The following PRKCSH variants were observed in gnomAD, a reference collection of about 807,000 sequenced individuals.
PRKCSH encodes PRKCSH beta subunit of glucosidase II, also known as glucosidase 2 subunit beta.
Under a neutral mutation model 79.7 loss-of-function variants are expected in PRKCSH, and 42 were observed. That is an observed-to-expected ratio of 0.53 (90% CI 0.41 to 0.68). PRKCSH has a LOEUF of 0.68. Among genes scored for constraint, PRKCSH ranks in the 30% least tolerant of loss-of-function variants. PRKCSH has a pLI of 0.00. For synonymous variants in PRKCSH, 325 were observed against 288.2 expected (o/e 1.13, Z -1.29); for missense variants, 686 against 709.0 (o/e 0.97, Z 0.37).
rs1970579317 is a variant in PRKCSH, at chr19:11,450,742, C to A, written c.*113C>A. The A allele has an allele frequency of 6.6e-6, 1 of 152,340 alleles. No homozygotes were observed. Among genetic ancestry groups the A allele is most frequent in the Non-Finnish European group, 1.5e-5 (1 of 68,142 alleles). 9.4% of individuals were successfully genotyped at this position (152,340 alleles called of 1,614,324 possible). A position where few individuals can be genotyped will look rare whatever the true frequency, so the allele number is the denominator to read the frequency against. ...GTTGCCCTCCTCTGTGGCGGCAGGACCTTTGTGGGGCTTCGTGCCCTGCTC... is the reference window on the plus strand; with the variant it reads ...GTTGCCCTCCTCTGTGGCGGCAGGAACTTTGTGGGGCTTCGTGCCCTGCTC... On this transcript the variant is annotated 3_prime_UTR_variant, in exon 18 of 18. Coordinates refer to ENST00000677123, the MANE Select transcript of PRKCSH (RefSeq NM_001289104.2).
chr19:11,445,699 C>T (rs1489931810), intron 8 of PRKCSH: 9 of 609,884 alleles, frequency 1.5e-5, no homozygotes, highest in Non-Finnish European at 2.7e-5. Context: ...GAGCTGGGCA[C>T]AGACCCTCAG....
Position 11,438,054 on chromosome 19 carries a change from G to T in PRKCSH, c.293-13G>T. The T allele has an allele frequency of 1.2e-6, 2 of 1,614,124 alleles. No individual in the cohort carries two copies. The highest frequency in any genetic ancestry group is 1.3e-5 in the African/African-American group (1 of 75,046). On this transcript the variant is annotated splice_polypyrimidine_tract_variant and intron_variant, in intron 4 of 17. Coordinates refer to ENST00000677123, the MANE Select transcript of PRKCSH (RefSeq NM_001289104.2). Reference sequence around the variant, plus strand: ...ACTGCCAGGTCTGATCTTGGCTTCTGCCTCTGCCACAGACTGCTGCGATGG... The same window carrying T: ...ACTGCCAGGTCTGATCTTGGCTTCTTCCTCTGCCACAGACTGCTGCGATGG...
chr19:11,440,572 T>A (rs1305725824), intron 5 of PRKCSH, among the ~76,000 whole-genome samples: 2 of 151,910 alleles, frequency 1.3e-5, no homozygotes, highest in African/African-American at 4.8e-5. Context: ...CAGCCTCCCG[T>A]GTAGCTGGGA....
rs1425794706 is a variant in PRKCSH at position 11,437,953 on chromosome 19, G to A, written c.274G>A (p.Val92Ile). 4 of 1,614,008 alleles carry A rather than the reference G, an allele frequency of 2.5e-6. No individual in the cohort carries two copies. Among genetic ancestry groups the A allele is most frequent in the Non-Finnish European group, 3.4e-6 (4 of 1,180,014 alleles). The change falls in exon 4 of 18, where the codon GTC (valine) becomes ATC (isoleucine). Residue 92 changes from valine to isoleucine, a missense_variant. By Grantham distance (29) the Val-to-Ile change is conservative (BLOSUM62 3). Around this residue, in one of 2 missense-constraint regions of PRKCSH, gnomAD observed 549 missense variants for 520.2 expected, o/e 1.06. Transcript: ENST00000677123. ...GCCCCTGTATATCCCCTCCAACCGG[G>A]TCAACGATGGTGTTTGTGGTAAGTG... ...YKPLYIPSNR[V>I]NDGVCDCCDG...
intron 8 of PRKCSH, 25 bp downstream of exon 8, chr19:11,445,498 C>G (rs758384766): frequency 1.2e-6 from 2 of 1,609,838 alleles, no homozygotes; most frequent in East Asian, 4.5e-5. Flanking sequence ...GTTGGAGCTG[C>G]CCACCTTTCC....
Position 11,447,906 on chromosome 19 carries a change from C to G in PRKCSH, c.1126+117C>G. 8.0e-7 allele frequency: 1 copy of G among 1,252,262 alleles called. No homozygotes were observed. 77.6% of individuals were successfully genotyped at this position (1,252,262 alleles called of 1,614,324 possible). A position where few individuals can be genotyped will look rare whatever the true frequency, so the allele number is the denominator to read the frequency against. ...TGCTCTGACTCGGCCAGCACAAGCC[C>G]CAGTATCTTGGGGAGTCCAGGAAGG... On this transcript the variant is annotated intron_variant, in intron 12 of 17. Transcript: ENST00000677123. The surrounding 1 kb of genome is among the most constrained non-coding windows in gnomAD (Gnocchi z 5.6).
In PRKCSH at chr19:11,447,584, A is replaced by AGGG. The variant is rs1393039014; in HGVS notation, c.997_998insGGG (p.Glu332_Glu333insGly). ...GAAGAGGCTGAAGAAGAGGAGGAGG[A>AGGG]GGAGGATTCCGAGGTGCAGGGGGAG... On this transcript the variant is annotated inframe_insertion, in exon 11 of 18. Coordinates refer to ENST00000677123, the MANE Select transcript of PRKCSH (RefSeq NM_001289104.2). This position sits in a 1 kb window ranked among gnomAD's most constrained non-coding sequence, Gnocchi z 5.6. 3 of 1,596,858 alleles carry AGGG rather than the reference A, an allele frequency of 1.9e-6. No individual in the cohort carries two copies. In the South Asian group the frequency reaches 3.4e-5, roughly 18 times the overall value.
Position 11,449,360 on chromosome 19 carries a change from G to T in PRKCSH, c.1556G>T (p.Cys519Phe). The change falls in exon 17 of 18, where the codon TGC becomes TTC. Residue 519 changes from cysteine to phenylalanine, a missense_variant. Cys to Phe is a radical substitution (Grantham distance 205). Coordinates refer to ENST00000677123, the MANE Select transcript of PRKCSH (RefSeq NM_001289104.2). This position sits in a 1 kb window ranked among gnomAD's most constrained non-coding sequence, Gnocchi z 6.4. The part of the protein sequence containing the change: ...YLMELMTPAA[C>F]PEPPPEAPTE... ...ATGGAGCTGATGACGCCAGCCGCCT[G>T]CCCGGAGCCACCGCCTGAAGCACCC... 1 of 1,613,430 alleles carries T rather than the reference G, an allele frequency of 6.2e-7. No homozygotes were observed. The highest frequency in any genetic ancestry group is 8.5e-7 in the Non-Finnish European group (1 of 1,179,968).
chr19:11,448,236 C>T lies in PRKCSH; in HGVS notation c.1141C>T (p.Arg381Cys). Residue 381 changes from arginine (R) to cysteine (C), a missense_variant, in exon 13 of 18, where the codon CGC becomes TGC. Physicochemically the swap from Arg to Cys is radical, Grantham distance 180. Transcript: ENST00000677123. This position sits in a 1 kb window ranked among gnomAD's most constrained non-coding sequence, Gnocchi z 4.4. ...QAFIDAAQEA[R>C]NKFEEAERSL... ...CCCTCTCCCAGCTGCCCAGGAGGCC[C>T]GCAACAAGTTCGAGGAGGCCGAGCG... 4 of 1,562,026 alleles carry T rather than the reference C, an allele frequency of 2.6e-6. No homozygotes were observed. Among genetic ancestry groups the T allele is most frequent in the Non-Finnish European group, 3.5e-6 (4 of 1,152,738 alleles).
Position 11,448,179 on chromosome 19 carries a change from G to A in PRKCSH, c.1127-43G>A, listed in dbSNP as rs1306861142. ...ATGGAACCCCGTTCCCCATCCTCCT[G>A]GATGGGGTTGAGGACATCTCTGACC... On this transcript the variant is annotated intron_variant, in intron 12 of 17. Transcript: ENST00000677123. This position sits in a 1 kb window ranked among gnomAD's most constrained non-coding sequence, Gnocchi z 4.4. The A allele has an allele frequency of 6.5e-7, 1 of 1,537,542 alleles. No homozygotes were observed. The highest frequency in any genetic ancestry group is 1.4e-5 in the African/African-American group (1 of 72,740).
chr19:11,446,442 T>C (rs1399062494), intron 9 of PRKCSH, 92 bp downstream of exon 9: 3 of 1,445,600 alleles, frequency 2.1e-6, no homozygotes, highest in Non-Finnish European at 2.9e-6. Context: ...GAAAGCTCCT[T>C]GCTGGCCTGG....
intron 17 of PRKCSH, among the ~76,000 whole-genome samples, chr19:11,450,164 A>G (rs965460361): frequency 3.3e-5 from 5 of 151,228 alleles, no homozygotes; most frequent in Admixed American, 3.3e-4. Flanking sequence ...TTTTAAAAAA[A>G]GATTTTTTTA....
intron 3 of PRKCSH, among the ~76,000 whole-genome samples, chr19:11,437,439 C>T (rs1969823911): frequency 1.3e-5 from 2 of 151,998 alleles, no homozygotes; most frequent in South Asian, 2.1e-4. Flanking sequence ...GCAGTCTCCA[C>T]CTCCCGGGTT....
intron 2 of PRKCSH, 77 bp downstream of exon 2, chr19:11,436,273 C>T (rs1172511925): frequency 8.2e-6 from 13 of 1,590,620 alleles, no homozygotes. Flanking sequence ...TAGGCATTTA[C>T]AGCCTTTTGA....
At chr19:11,439,226 T>G (rs1309178684) in intron 5 of PRKCSH, among the ~76,000 whole-genome samples, 1 of 152,100 alleles carries the variant, frequency 6.6e-6, no homozygotes, top group African/African-American at 2.4e-5. Context: ...GTGTGAGAGA[T>G]ACGCCTCCCT....
intron 9 of PRKCSH, 112 bp from the exon 10 acceptor site, chr19:11,446,962 A>C: frequency 5.1e-6 from 6 of 1,168,224 alleles, no homozygotes; most frequent in Non-Finnish European, 7.7e-6. Context: ...CCTGGTCATC[A>C]GGGCCCGGGG....
chr19:11,447,301 G>A lies in PRKCSH; in HGVS notation c.850-138G>A, dbSNP rs531371179. Reference sequence around the variant, plus strand: ...CCAGCACCCCCCACCGAGACCCCCCGACCCCAGCTGTCGGTCCTCCCTGCA... The same window carrying A: ...CCAGCACCCCCCACCGAGACCCCCCAACCCCAGCTGTCGGTCCTCCCTGCA... On this transcript the variant is annotated intron_variant, in intron 10 of 17. Coordinates refer to ENST00000677123, the MANE Select transcript of PRKCSH (RefSeq NM_001289104.2). This position sits in a 1 kb window ranked among gnomAD's most constrained non-coding sequence, Gnocchi z 5.6. The A allele has an allele frequency of 1.3e-5, 16 of 1,217,140 alleles. No individual in the cohort carries two copies. Among genetic ancestry groups the A allele is most frequent in the South Asian group, 2.6e-5 (2 of 78,354 alleles). The allele number at this position is 1,217,140 out of a possible 1,614,324, so 75.4% of individuals were successfully genotyped here.
At chr19:11,441,538 C>CCT (rs1276897853) in intron 6 of PRKCSH, among the ~76,000 whole-genome samples, 181 bp downstream of exon 6, 6 of 152,112 alleles carry the variant, frequency 3.9e-5, no homozygotes, top group Non-Finnish European at 7.4e-5. Context: ...TATAATAGTT[C>CCT]CCGAGGGGGA....
Position 11,449,175 on chromosome 19 carries a change from CGT to C in PRKCSH, c.1461+2_1461+3del, listed in dbSNP as rs757957327. On this transcript the variant is annotated splice_donor_variant, in intron 16 of 17. Transcript: ENST00000677123. LOFTEE classifies it high-confidence loss of function. The surrounding 1 kb of genome is among the most constrained non-coding windows in gnomAD (Gnocchi z 6.4). ...GGCAGGGCCCCAACCGCTCCACCACCGTGAGTGCCTGCAAGGCAGGGGAGCTG... is the reference window on the plus strand; with the variant it reads ...GGCAGGGCCCCAACCGCTCCACCACCGAGTGCCTGCAAGGCAGGGGAGCTG... 2.2e-5 allele frequency: 36 copies of C among 1,613,652 alleles called. No individual in the cohort carries two copies. The highest frequency in any genetic ancestry group is 2.5e-6 in the Non-Finnish European group (3 of 1,180,008).
Sources: gnomAD v4.1 joint callset for allele counts (sites outside exome capture counted in the v4.1 genomes callset) on GRCh38, gnomAD v4.1.1 for gene constraint, gnomAD v4.1.1 regional missense constraint, Gnocchi (gnomAD v3.1) non-coding constraint, MANE v1.5 for transcripts, NCBI Gene and HGNC (gene_info 2026-07-23, HGNC 2026-07-21) for gene names.